Variants in FANCC observed in about 807,000 individuals in gnomAD.
FANCC encodes FA complementation group C.
A neutral mutation model predicts 71.3 loss-of-function variants in FANCC; 55 were observed. The ratio of observed to expected loss-of-function variants is 0.77; its 90% CI spans 0.62 to 0.97. FANCC has a LOEUF of 0.97. Among genes scored for constraint, FANCC ranks in the 50% least tolerant of loss-of-function variants. FANCC has a pLI of 0.00. For synonymous variants in FANCC, 275 were observed against 244.9 expected (o/e 1.12, Z -1.15); for missense variants, 678 against 670.9 (o/e 1.01, Z -0.12).
intron 4 of FANCC, among the ~76,000 whole-genome samples, chr9:95,227,914 T>G (rs1237817609): frequency 6.6e-6 from 1 of 152,196 alleles, no homozygotes; most frequent in Admixed American, 6.5e-5. Flanking sequence ...CTCTGCTCAC[T>G]TGGGGCCTTG....
At chr9:95,211,975 T>G (rs1050380674) in intron 4 of FANCC, among the ~76,000 whole-genome samples, 2 of 152,034 alleles carry the variant, frequency 1.3e-5, no homozygotes, top group Non-Finnish European at 2.9e-5. Flanking sequence ...GGAGAAAGAC[T>G]TAAAGATTTA....
Position 95,183,063 on chromosome 9 carries a change from G to T in FANCC, c.346-10916C>A, listed in dbSNP as rs770498726. Among the ~76,000 whole-genome samples the T allele has an allele frequency of 7.2e-5, 11 of 152,116 alleles. No individual in the cohort carries two copies. In the South Asian group the frequency reaches 2.1e-3, roughly 29 times the overall value. On this transcript the variant is annotated intron_variant, in intron 4 of 14. Transcript: ENST00000289081. ...GTGACTTGGTGACATCAGACTCCTG[G>T]CTGGTCACCAAATTCACCCAGCCCC...
intron 4 of FANCC, among the ~76,000 whole-genome samples, chr9:95,229,327 G>C (rs1342962564): frequency 6.6e-6 from 1 of 150,750 alleles, no homozygotes; most frequent in Non-Finnish European, 1.5e-5. Context: ...AATCCTTCTG[G>C]TTGAGACTCT....
chr9:95,141,775 TGATA>T (rs1311774282), intron 7 of FANCC, among the ~76,000 whole-genome samples: 1 of 152,188 alleles, frequency 6.6e-6, no homozygotes, highest in Non-Finnish European at 1.5e-5. Context: ...TAGGTTCTTC[TGATA>T]GATAATGAAT....
At position 95,126,568 on chromosome 9, in the gene FANCC, C is replaced by CA; in HGVS notation, c.856dup (p.Cys286LeufsTer10). 6.2e-7 allele frequency: 1 copy of CA among 1,614,038 alleles called. No homozygotes were observed. Among genetic ancestry groups the CA allele is most frequent in the Non-Finnish European group, 8.5e-7 (1 of 1,179,954 alleles). Reference sequence around the variant, plus strand: ...AACAACCCGGAATATGGCAGGGTGGCAGGCTGCTTGAGGCTGTAAAAGGAG... The same window carrying CA: ...AACAACCCGGAATATGGCAGGGTGGCAAGGCTGCTTGAGGCTGTAAAAGGAG... On this transcript the variant is annotated frameshift_variant, in exon 9 of 15. Coordinates refer to ENST00000289081, the MANE Select transcript of FANCC (RefSeq NM_000136.3). LOFTEE classifies it high-confidence loss of function.
intron 4 of FANCC, among the ~76,000 whole-genome samples, chr9:95,200,706 C>T (rs1827754169): frequency 6.6e-6 from 1 of 152,114 alleles, no homozygotes; most frequent in Admixed American, 6.5e-5. Context: ...TCAAAATTTA[C>T]AAAACAGCAT....
chr9:95,121,863 T>TC (rs200900994), intron 10 of FANCC, among the ~76,000 whole-genome samples: 1,577 of 151,722 alleles, frequency 0.01, 29 homozygotes, highest in African/African-American at 0.037. Flanking sequence ...AATTCATTTT[T>TC]TTTTTTTTTT....
chr9:95,101,451 G>C lies in FANCC; in HGVS notation c.*256C>G. 1 of 546,528 alleles carries C rather than the reference G, an allele frequency of 1.8e-6. No homozygotes were observed. The allele number at this position is 546,528 out of a possible 1,614,324, so 33.9% of individuals were successfully genotyped here. A position where few individuals can be genotyped will look rare whatever the true frequency, so the allele number is the denominator to read the frequency against. ...TAGTAATTATCAAGCTGACGGTCTG[G>C]CCGGGCGGGCACCAGGAGTACCGAA... On this transcript the variant is annotated 3_prime_UTR_variant, in exon 15 of 15. Coordinates refer to ENST00000289081, the MANE Select transcript of FANCC (RefSeq NM_000136.3).
At chr9:95,128,750 C>G (rs1230733955) in intron 8 of FANCC, among the ~76,000 whole-genome samples, 1 of 152,194 alleles carries the variant, frequency 6.6e-6, no homozygotes, top group Non-Finnish European at 1.5e-5. Context: ...CAGATGGACT[C>G]TCCTCTTAGA....
At chr9:95,260,040 A>G (rs908432715) in intron 1 of FANCC, among the ~76,000 whole-genome samples, 1 of 152,236 alleles carries the variant, frequency 6.6e-6, no homozygotes, top group African/African-American at 2.4e-5. Flanking sequence ...GTCAGGAAAC[A>G]ACAGATGCCG....
At chr9:95,219,780 C>T (rs1296454966) in intron 4 of FANCC, among the ~76,000 whole-genome samples, 1 of 152,104 alleles carries the variant, frequency 6.6e-6, no homozygotes, top group Non-Finnish European at 1.5e-5. Context: ...AAAACCTAGG[C>T]GTACCATTCA....
chr9:95,226,789 CTG>C (rs1273284500), intron 4 of FANCC, among the ~76,000 whole-genome samples: 1 of 152,152 alleles, frequency 6.6e-6, no homozygotes, highest in African/African-American at 2.4e-5. Context: ...AGTGCAATAT[CTG>C]TGAAGGATGT....
At chr9:95,302,068 T>G (rs1588441255) in intron 1 of FANCC, among the ~76,000 whole-genome samples, 1 of 119,662 alleles carries the variant, frequency 8.4e-6, no homozygotes, top group African/African-American at 3.3e-5. Flanking sequence ...GGAGACAGAG[T>G]GAGACTCCAT....
intron 1 of FANCC, among the ~76,000 whole-genome samples, chr9:95,260,786 A>G (rs1327211081): frequency 6.6e-6 from 1 of 152,226 alleles, no homozygotes; most frequent in Non-Finnish European, 1.5e-5. Flanking sequence ...AAATGTGAAT[A>G]AAGATGGACA....
At chr9:95,251,677 G>A (rs1011966377) in intron 1 of FANCC, among the ~76,000 whole-genome samples, 23 of 151,958 alleles carry the variant, frequency 1.5e-4, no homozygotes, top group African/African-American at 5.6e-4. Flanking sequence ...TTTTTATGTT[G>A]CCTGTGTGAA....
At chr9:95,124,896 C>T (rs1283172378) in intron 10 of FANCC, among the ~76,000 whole-genome samples, 190 bp downstream of exon 10, 3 of 152,160 alleles carry the variant, frequency 2.0e-5, no homozygotes, top group African/African-American at 4.8e-5. Context: ...TATCAGGGCA[C>T]GGGGCAGACA....
rs557828792 is a variant in FANCC, at chr9:95,110,307, A to G, written c.1329+1156T>C. 7.9e-6 allele frequency: 8 copies of G among 1,014,984 alleles called. No homozygotes were observed. The South Asian group carries it at 3.7e-4, about 47-fold the overall frequency. The allele number at this position is 1,014,984 out of a possible 1,614,324, so 62.9% of individuals were successfully genotyped here. ...AACCTTTTGACTGTGATGGAATTGA[A>G]CACATATCTACCAACTTAGCTTATT... is the stretch of plus-strand genomic sequence containing the variant. On this transcript the variant is annotated intron_variant, in intron 13 of 14. Transcript: ENST00000289081.
intron 1 of FANCC, among the ~76,000 whole-genome samples, chr9:95,312,524 G>C (rs910712180): frequency 2.0e-5 from 3 of 152,088 alleles, no homozygotes; most frequent in Non-Finnish European, 2.9e-5. Context: ...AGATAATTTC[G>C]TGTTTTCTGT....
chr9:95,150,066 C>T lies in FANCC; in HGVS notation c.543G>A (p.Ala181=), dbSNP rs758919360. 8.1e-6 allele frequency: 13 copies of T among 1,613,946 alleles called. No homozygotes were observed. The highest frequency in any genetic ancestry group is 2.2e-5 in the East Asian group (1 of 44,884). The change falls in exon 7 of 15, where the codon GCG becomes GCA. Residue 181 remains alanine, a synonymous_variant. Coordinates refer to ENST00000289081, the MANE Select transcript of FANCC (RefSeq NM_000136.3). ...TQRRMAPERV[A]SLSRVCVPLI... ...GTGGGACACAAACTCGTGACAGGGA[C>T]GCCACTCGCTCGGGAGCCATTCTAT...
Sources: gnomAD v4.1 joint callset for allele counts (sites outside exome capture counted in the v4.1 genomes callset) on GRCh38, gnomAD v4.1.1 for gene constraint, MANE v1.5 for transcripts, NCBI Gene and HGNC (gene_info 2026-07-23, HGNC 2026-07-21) for gene names.